POLR3H: variants seen among roughly 807,000 people sequenced by gnomAD.
POLR3H encodes RNA polymerase III subunit H.
In POLR3H, 17 loss-of-function variants were observed where a neutral mutation model predicts 25.5. The observed-to-expected ratio is 0.67, with a 90% CI of 0.46 to 1.00. POLR3H has a LOEUF of 1.00. Among genes scored for constraint, POLR3H ranks in the 50% least tolerant of loss-of-function variants. The pLI is 0.00. For synonymous variants in POLR3H, 129 were observed against 103.0 expected (o/e 1.25, Z -1.53); for missense variants, 274 against 265.0 (o/e 1.03, Z -0.24).
At chr22:41,543,645 A>T in intron 1 of POLR3H, 1 of 409,286 alleles carries the variant, frequency 2.4e-6, no homozygotes, top group Non-Finnish European at 4.8e-6. Flanking sequence ...AAACAAAACA[A>T]AACAAACAAC....
intron 1 of POLR3H, among the ~76,000 whole-genome samples, chr22:41,541,928 C>T (rs1259916271): frequency 3.3e-5 from 5 of 152,298 alleles, no homozygotes; most frequent in South Asian, 4.1e-4. Flanking sequence ...TCCTTCTCAG[C>T]CCATCACCTT....
chr22:41,527,841 G>GA lies in POLR3H; in HGVS notation c.*1441dup. The GA allele has an allele frequency of 1.2e-6, 2 of 1,612,932 alleles. No individual in the cohort carries two copies. Among genetic ancestry groups the GA allele is most frequent in the Non-Finnish European group, 8.5e-7 (1 of 1,179,626 alleles). On this transcript the variant is annotated 3_prime_UTR_variant, in exon 6 of 6. Transcript: ENST00000355209. ...TCTCCCAGAGCCCCAGATGGGTTCA[G>GA]AAAATGAAGCTCTCCAGGCTAGTCA...
rs772972420 is a variant in POLR3H at position 41,530,730 on chromosome 22, G to T, written c.518C>A (p.Ser173Tyr). The T allele has an allele frequency of 5.0e-6, 8 of 1,613,878 alleles. No individual in the cohort carries two copies. In the South Asian group the frequency reaches 8.8e-5, roughly 18 times the overall value. Residue 173 changes from serine (S) to tyrosine (Y), a missense_variant, in exon 5 of 6, where the codon TCC becomes TAC. Physicochemically the swap from Ser to Tyr is moderately radical, Grantham distance 144. Coordinates refer to ENST00000355209, the MANE Select transcript of POLR3H (RefSeq NM_001018050.4). ...TGPSSADATT[S>Y]SEELPKKEAP... is the part of the protein sequence containing the mutation. Reference sequence around the variant, plus strand: ...CTCCTTCTTTGGCAGCTCCTCACTGGAAGTGGTGGCATCTGCTGAGCTGGG... The same window carrying T: ...CTCCTTCTTTGGCAGCTCCTCACTGTAAGTGGTGGCATCTGCTGAGCTGGG...
In POLR3H at chr22:41,540,784, G is replaced by A. The variant is rs1183469838; in HGVS notation, c.123C>T (p.Asn41=). 32 of 1,613,376 alleles carry A rather than the reference G, an allele frequency of 2.0e-5. No individual in the cohort carries two copies. The highest frequency in any genetic ancestry group is 2.7e-5 in the African/African-American group (2 of 74,912). ...NKKLANKVVY[N]VGLCICLFDI... Reference sequence around the variant, plus strand: ...CAAACAGACAAATGCAGAGTCCCACGTTGTACACGACCTGCATGCATACAA... The same window carrying A: ...CAAACAGACAAATGCAGAGTCCCACATTGTACACGACCTGCATGCATACAA... The change falls in exon 2 of 6, where the codon AAC becomes AAT. Residue 41 remains asparagine (N), a synonymous_variant. Transcript: ENST00000355209.
rs764571709 is a variant in POLR3H, at chr22:41,527,444, C to T, written c.*1839G>A. The T allele has an allele frequency of 7.5e-6, 12 of 1,590,694 alleles. No individual in the cohort carries two copies. The East Asian group carries it at 2.5e-4, about 33-fold the overall frequency. On this transcript the variant is annotated 3_prime_UTR_variant, in exon 6 of 6. Coordinates refer to ENST00000355209, the MANE Select transcript of POLR3H (RefSeq NM_001018050.4). ...CGGTGAGCTGGAGTCTGTACCCAGG[C>T]CATCCTCATCCCATCCCTAGTGATC...
In POLR3H at chr22:41,526,450, C is replaced by T. The variant is rs780679330; in HGVS notation, c.*2833G>A. ...CCGTCCCTGACACTGCCCGCTACTA[C>T]AAGGTGGGTCAGAGTTGATAGGGGC... On this transcript the variant is annotated 3_prime_UTR_variant, in exon 6 of 6. Transcript: ENST00000355209. The T allele has an allele frequency of 7.4e-6, 12 of 1,610,842 alleles. No individual in the cohort carries two copies. Among genetic ancestry groups the T allele is most frequent in the African/African-American group, 1.3e-5 (1 of 74,902 alleles).
Position 41,526,217 on chromosome 22 carries a change from C to G in POLR3H, c.*3066G>C. 1 of 1,568,800 alleles carries G rather than the reference C, an allele frequency of 6.4e-7. No individual in the cohort carries two copies. Among genetic ancestry groups the G allele is most frequent in the Middle Eastern group, 2.3e-4 (1 of 4,318 alleles). ...TCTGGAGGGCTTGTCATCCACCCCT[C>G]CAGGGCCATGCCCTGACCTCTGTCC... On this transcript the variant is annotated 3_prime_UTR_variant, in exon 6 of 6. Coordinates refer to ENST00000355209, the MANE Select transcript of POLR3H (RefSeq NM_001018050.4).
In POLR3H at chr22:41,528,467, T is replaced by G. The variant is rs751546270; in HGVS notation, c.*816A>C. ...CCCACCACTTCCACCCACACCCACC[T>G]TCTCCTTGCAGCCCCTGAAGTGCAT... On this transcript the variant is annotated 3_prime_UTR_variant, in exon 6 of 6. Coordinates refer to ENST00000355209, the MANE Select transcript of POLR3H (RefSeq NM_001018050.4). 1.2e-6 allele frequency: 2 copies of G among 1,611,576 alleles called. No individual in the cohort carries two copies. Among genetic ancestry groups the G allele is most frequent in the Non-Finnish European group, 1.7e-6 (2 of 1,179,746 alleles).
chr22:41,538,779 C>T (rs1217271316), intron 2 of POLR3H, among the ~76,000 whole-genome samples: 1 of 152,200 alleles, frequency 6.6e-6, no homozygotes, highest in East Asian at 1.9e-4. Context: ...TTTCTTCGGC[C>T]TCTCGGCGTA....
chr22:41,543,765 G>A (rs563673428), intron 1 of POLR3H: 330 of 681,984 alleles, frequency 4.8e-4, no homozygotes, highest in African/African-American at 3.8e-3. Context: ...CAATTGCAAA[G>A]TAATTTAGAA....
rs746661331 is a variant in POLR3H, at chr22:41,528,579, G to A, written c.*704C>T. The A allele has an allele frequency of 6.2e-7, 1 of 1,612,802 alleles. No individual in the cohort carries two copies. Among genetic ancestry groups the A allele is most frequent in the Non-Finnish European group, 8.5e-7 (1 of 1,180,028 alleles). ...CAGATTGAGTGGTTCCGCGCTGGCA[G>A]TGCCCTCAACAGAATGAAGGAACTG... On this transcript the variant is annotated 3_prime_UTR_variant, in exon 6 of 6. Coordinates refer to ENST00000355209, the MANE Select transcript of POLR3H (RefSeq NM_001018050.4).
At chr22:41,533,548 G>A (rs2066786313) in intron 2 of POLR3H, 11 of 1,257,604 alleles carry the variant, frequency 8.7e-6, no homozygotes, top group African/African-American at 1.5e-5. Flanking sequence ...GTCGAATCTT[G>A]CCTTCCTCAG....
At chr22:41,531,455 TC>T (rs1205207520) in intron 4 of POLR3H, among the ~76,000 whole-genome samples, 1 of 152,174 alleles carries the variant, frequency 6.6e-6, no homozygotes, top group Non-Finnish European at 1.5e-5. Context: ...CTCTCCATCG[TC>T]CCTGGCAGAG....
intron 1 of POLR3H, among the ~76,000 whole-genome samples, chr22:41,542,509 A>G (rs1266121067): frequency 6.6e-6 from 1 of 151,514 alleles, no homozygotes; most frequent in Non-Finnish European, 1.5e-5. Flanking sequence ...ATCAGATCTC[A>G]CCTTCAACCC....
rs773313296 is a variant in POLR3H, at chr22:41,528,259, A to G, written c.*1024T>C. On this transcript the variant is annotated 3_prime_UTR_variant, in exon 6 of 6. Coordinates refer to ENST00000355209, the MANE Select transcript of POLR3H (RefSeq NM_001018050.4). ...CTTTACTCACCAGGACCTGGCACTC[A>G]GGGGACAGCCCACCCACTGCAGGAC... is the stretch of plus-strand genomic sequence containing the variant. 1.2e-6 allele frequency: 1 copy of G among 841,562 alleles called. No homozygotes were observed. Among genetic ancestry groups the G allele is most frequent in the Non-Finnish European group, 1.8e-6 (1 of 555,892 alleles). 52.1% of individuals were successfully genotyped at this position (841,562 alleles called of 1,614,324 possible). A position where few individuals can be genotyped will look rare whatever the true frequency, so the allele number is the denominator to read the frequency against.
At chr22:41,540,183 G>T (rs2066907097) in intron 2 of POLR3H, 1 of 246,798 alleles carries the variant, frequency 4.1e-6, no homozygotes, top group Non-Finnish European at 8.0e-6. Flanking sequence ...CCCACCCCCA[G>T]CCAGCCTGCT....
Position 41,528,175 on chromosome 22 carries a change from T to C in POLR3H, c.*1108A>G. ...AGGTGGCCCCACAGAGAAAGCAAAG[T>C]GGCTTCTCAGAGTTGGGGGTTGGAG... On this transcript the variant is annotated 3_prime_UTR_variant, in exon 6 of 6. Transcript: ENST00000355209. The C allele has an allele frequency of 8.0e-7, 1 of 1,245,848 alleles. No individual in the cohort carries two copies. The highest frequency in any genetic ancestry group is 1.5e-5 in the South Asian group (1 of 68,724). The allele number at this position is 1,245,848 out of a possible 1,614,324, so 77.2% of individuals were successfully genotyped here. A position where few individuals can be genotyped will look rare whatever the true frequency, so the allele number is the denominator to read the frequency against.
At chr22:41,542,205 TC>T (rs976519743) in intron 1 of POLR3H, among the ~76,000 whole-genome samples, 4 of 152,064 alleles carry the variant, frequency 2.6e-5, no homozygotes, top group African/African-American at 9.7e-5. Context: ...TCCCTCTGCC[TC>T]CCAAGTAGCC....
chr22:41,526,290 T>A lies in POLR3H; in HGVS notation c.*2993A>T, dbSNP rs1481079073. On this transcript the variant is annotated 3_prime_UTR_variant, in exon 6 of 6. Coordinates refer to ENST00000355209, the MANE Select transcript of POLR3H (RefSeq NM_001018050.4). The stretch of plus-strand genomic sequence containing the variant: ...AAAGGGAAGTGTACCACTGACCACA[T>A]CTCAGCTGCTGGCCCCTGGCTCAAG... 1 of 1,612,290 alleles carries A rather than the reference T, an allele frequency of 6.2e-7. No individual in the cohort carries two copies. Among genetic ancestry groups the A allele is most frequent in the African/African-American group, 1.3e-5 (1 of 74,872 alleles).
Sources: gnomAD v4.1 joint callset for allele counts (sites outside exome capture counted in the v4.1 genomes callset) on GRCh38, gnomAD v4.1.1 for gene constraint, MANE v1.5 for transcripts, NCBI Gene and HGNC (gene_info 2026-07-23, HGNC 2026-07-21) for gene names.